UTRN: variants seen among roughly 807,000 people sequenced by gnomAD.
UTRN encodes the protein utrophin.
In UTRN, 283 loss-of-function variants were observed where a neutral mutation model predicts 463.9. That is an observed-to-expected ratio of 0.61 (90% CI 0.55 to 0.67). UTRN has a LOEUF of 0.67. Among genes scored for constraint, UTRN ranks in the 30% least tolerant of loss-of-function variants. The pLI is 0.00. For missense variants in UTRN, 3,922 were observed against 4,084.3 expected, an observed-to-expected ratio of 0.96 and a Z score of 1.08; for synonymous variants, 1,442 against 1,431.5, an observed-to-expected ratio of 1.01 and a Z score of -0.17.
intron 53 of UTRN, among the ~76,000 whole-genome samples, chr6:144,712,157 C>T (rs1785789791): frequency 6.6e-6 from 1 of 152,172 alleles, no homozygotes; most frequent in Non-Finnish European, 1.5e-5. Context: ...CAACCTTTGC[C>T]AGTCTGTGTT....
At chr6:144,576,382 C>A (rs1008257035) in intron 50 of UTRN, among the ~76,000 whole-genome samples, 1 of 152,072 alleles carries the variant, frequency 6.6e-6, no homozygotes, top group Non-Finnish European at 1.5e-5. Flanking sequence ...TATCTCTTAA[C>A]TCATATAACT....
chr6:144,440,284 A>G (rs1787019269), intron 12 of UTRN, 68 bp from the exon 13 acceptor site: 2 of 1,549,534 alleles, frequency 1.3e-6, no homozygotes, highest in South Asian at 1.1e-5. Context: ...ACTATTGACA[A>G]CTGAGTGCGT....
intron 34 of UTRN, among the ~76,000 whole-genome samples, chr6:144,503,301 G>A (rs1371330228): frequency 6.6e-6 from 1 of 152,196 alleles, no homozygotes; most frequent in African/African-American, 2.4e-5. Flanking sequence ...TGCTTTTGGT[G>A]TTTTAATCAT....
chr6:144,662,468 A>G (rs1395982608), intron 51 of UTRN, among the ~76,000 whole-genome samples: 2 of 152,068 alleles, frequency 1.3e-5, no homozygotes, highest in Non-Finnish European at 1.5e-5. Context: ...GAGTCCCTTT[A>G]CCCTCAATTC....
intron 53 of UTRN, among the ~76,000 whole-genome samples, chr6:144,702,893 T>C (rs1404666919): frequency 2.6e-5 from 4 of 152,194 alleles, no homozygotes; most frequent in African/African-American, 9.6e-5. Context: ...ATTTAGGTCC[T>C]TGAATATTCT....
intron 9 of UTRN, among the ~76,000 whole-genome samples, chr6:144,433,562 C>T (rs1445785538): frequency 1.3e-4 from 19 of 149,098 alleles, no homozygotes; most frequent in African/African-American, 3.2e-4. Flanking sequence ...GGCTGCCGGG[C>T]GGAGGGGCTC....
In UTRN at chr6:144,840,800, A is replaced by G. The variant is rs116049347; in HGVS notation, c.10238A>G (p.Glu3413Gly). Residue 3413 changes from glutamate to glycine, a missense_variant, in exon 73 of 75, where the codon GAG becomes GGG. Glu to Gly is a moderately conservative substitution (Grantham distance 98). This residue lies in a region of UTRN where 1,309 missense variants were observed against 1,452.6 expected (regional missense o/e 0.90). Transcript: ENST00000367545. ...DTSTDLTEVM[E>G]QIHSTFPSCC... is the part of the protein sequence containing the mutation. Reference sequence around the variant, plus strand: ...AGCACGGATCTCACGGAGGTCATGGAGCAGATTCACAGCACGTTTCCATCT... The same window carrying G: ...AGCACGGATCTCACGGAGGTCATGGGGCAGATTCACAGCACGTTTCCATCT... 9.3e-6 allele frequency: 15 copies of G among 1,614,018 alleles called. No individual in the cohort carries two copies. The East Asian group carries it at 3.1e-4, about 34-fold the overall frequency.
chr6:144,341,141 C>T (rs1021419939), intron 2 of UTRN, among the ~76,000 whole-genome samples: 8 of 152,024 alleles, frequency 5.3e-5, no homozygotes, highest in East Asian at 3.8e-4. Context: ...GTCAGCTCCA[C>T]GGCAAGAAAT....
chr6:144,569,898 T>A (rs1585323823), intron 50 of UTRN, among the ~76,000 whole-genome samples: 1 of 151,982 alleles, frequency 6.6e-6, no homozygotes, highest in African/African-American at 2.4e-5. Flanking sequence ...TGGCTATGAG[T>A]CAAGCAATGT....
At position 144,554,677 on chromosome 6, in the gene UTRN, GCTA is replaced by G. The variant is rs1799226446; in HGVS notation, c.6929-9_6929-7del. 8 of 1,611,634 alleles carry G rather than the reference GCTA, an allele frequency of 5.0e-6. No individual in the cohort carries two copies. The highest frequency in any genetic ancestry group is 6.8e-6 in the Non-Finnish European group (8 of 1,179,158). ...TTGGGATTTTTTTTTCTTTTATAATGCTACCCTCAGTGGAAAGGGTCAAGAACC... is the reference window on the plus strand; with the variant it reads ...TTGGGATTTTTTTTTCTTTTATAATGCCCTCAGTGGAAAGGGTCAAGAACC... On this transcript the variant is annotated splice_region_variant and splice_polypyrimidine_tract_variant and intron_variant, in intron 48 of 74. Transcript: ENST00000367545.
chr6:144,461,060 A>G, intron 21 of UTRN, 137 bp from the exon 22 acceptor site: 1 of 602,822 alleles, frequency 1.7e-6, no homozygotes, highest in Admixed American at 4.0e-5. Context: ...CTATGTTGTT[A>G]ATTAACAGAG....
chr6:144,823,224 T>C (rs981224781), intron 66 of UTRN, among the ~76,000 whole-genome samples: 2 of 152,116 alleles, frequency 1.3e-5, no homozygotes, highest in African/African-American at 4.8e-5. Context: ...TTGCATCAGA[T>C]GCACCAAGAT....
chr6:144,649,680 T>A (rs1266447747), intron 51 of UTRN, among the ~76,000 whole-genome samples: 2 of 152,202 alleles, frequency 1.3e-5, no homozygotes. Context: ...TTTTTTTTAA[T>A]GTTAAGTGTT....
chr6:144,489,648 TTCTCAC>T (rs1792848574), intron 30 of UTRN, among the ~76,000 whole-genome samples: 1 of 151,808 alleles, frequency 6.6e-6, no homozygotes, highest in Non-Finnish European at 1.5e-5. Flanking sequence ...TTTAGACGGA[TTCTCAC>T]TCTGTTGCCC....
At chr6:144,664,666 G>A (rs1780206602) in intron 51 of UTRN, among the ~76,000 whole-genome samples, 1 of 151,700 alleles carries the variant, frequency 6.6e-6, no homozygotes, top group South Asian at 2.1e-4. Context: ...TCTATTGTCA[G>A]TCAAAAATGT....
At chr6:144,423,482 G>A (rs1403332590) in intron 4 of UTRN, 67 bp from the exon 5 acceptor site, 2 of 1,488,274 alleles carry the variant, frequency 1.3e-6, no homozygotes, top group Admixed American at 3.3e-5. Context: ...GTGTATCTCA[G>A]TGCTAGTGTT....
chr6:144,748,245 G>A lies in UTRN; in HGVS notation c.7940-1G>A. 1 of 1,598,210 alleles carries A rather than the reference G, an allele frequency of 6.3e-7. No homozygotes were observed. The highest frequency in any genetic ancestry group is 8.5e-7 in the Non-Finnish European group (1 of 1,175,814). ...ATTCTTTTTCTTTTTTTTAATCACA[G>A]AATTAACTCCTGAGGAGAGAGCCCA... On this transcript the variant is annotated splice_acceptor_variant, in intron 54 of 74. Transcript: ENST00000367545. LOFTEE classifies it high-confidence loss of function.
intron 58 of UTRN, among the ~76,000 whole-genome samples, chr6:144,759,754 A>G (rs939046902): frequency 6.6e-6 from 1 of 152,168 alleles, no homozygotes; most frequent in African/African-American, 2.4e-5. Context: ...GGCAGCTTCT[A>G]GAAGCTGGAA....
At position 144,522,049 on chromosome 6, in the gene UTRN, G is replaced by A; in HGVS notation, c.5611G>A (p.Asp1871Asn). The A allele has an allele frequency of 6.3e-7, 1 of 1,595,026 alleles. No homozygotes were observed. The highest frequency in any genetic ancestry group is 8.5e-7 in the Non-Finnish European group (1 of 1,172,276). ...SGIRSSLLPT[D>N]YLVEINKILL... ...AATTAGATCATCACTTCTTCCTACA[G>A]ATTATCTGGTTGAAATTAACAAAAT... The change falls in exon 40 of 75, where the codon GAT becomes AAT. Residue 1871 changes from aspartate (D) to asparagine (N), a missense_variant. Asp to Asn is a conservative substitution (Grantham distance 23, BLOSUM62 1). Transcript: ENST00000367545.
Sources: allele counts gnomAD v4.1 joint callset (sites outside exome capture counted in the v4.1 genomes callset), GRCh38; gene constraint gnomAD v4.1.1; regional missense constraint gnomAD v4.1.1; transcripts MANE v1.5; gene names NCBI Gene and HGNC (gene_info 2026-07-23, HGNC 2026-07-21).